Variants in CDH4 observed in about 807,000 individuals in gnomAD.
CDH4 encodes the protein cadherin 4, also known as cadherin-4.
In CDH4, 33 loss-of-function variants were observed where a neutral mutation model predicts 86.0. The ratio of observed to expected loss-of-function variants is 0.38; its 90% CI spans 0.29 to 0.51. The LOEUF (loss-of-function observed/expected upper bound fraction) is 0.51, where lower values mean the gene tolerates loss of function less well. Ranked by LOEUF, CDH4 falls within the 20% of genes least tolerant of loss-of-function variation. CDH4 has a pLI of 0.86. For missense variants in CDH4, 1,114 were observed against 1,307.4 expected, an observed-to-expected ratio of 0.85 and a Z score of 2.28; for synonymous variants, 555 against 549.4, an observed-to-expected ratio of 1.01 and a Z score of -0.14.
chr20:61,661,077 G>T (rs2087248999), intron 2 of CDH4, among the ~76,000 whole-genome samples: 1 of 96,466 alleles, frequency 1.0e-5, no homozygotes, highest in Non-Finnish European at 2.0e-5. Flanking sequence ...ATGGACAGGA[G>T]GCATGGCGGG....
rs1357724117 is a variant in CDH4, at chr20:61,565,145, G to GA, written c.170-178418_170-178417insA. On this transcript the variant is annotated intron_variant, in intron 2 of 15. Transcript: ENST00000614565. The stretch of plus-strand genomic sequence containing the variant: ...TCTTGGTGGTGCTGGTCCTCTTGGT[G>GA]TTGGTAGTGGTCCTCTTGGTGATGG... Among the ~76,000 whole-genome samples the GA allele has an allele frequency of 1.9e-4, 26 of 140,254 alleles. 1 individual carries two copies. The highest frequency in any genetic ancestry group is 2.7e-4 in the Non-Finnish European group (17 of 64,008). 92.0% of individuals were successfully genotyped at this position (140,254 alleles called of 152,430 possible). A position where few individuals can be genotyped will look rare whatever the true frequency, so the allele number is the denominator to read the frequency against.
intron 2 of CDH4, among the ~76,000 whole-genome samples, chr20:61,585,496 C>T (rs986065794): frequency 2.2e-4 from 33 of 152,250 alleles, no homozygotes; most frequent in Admixed American, 3.9e-4. Context: ...TCTTAATTTT[C>T]AGTCTCCATA....
At chr20:61,369,450 CAAAAAAAAAAAA>C (rs144885482) in intron 2 of CDH4, among the ~76,000 whole-genome samples, 4 of 56,620 alleles carry the variant, frequency 7.1e-5, no homozygotes, top group South Asian at 9.8e-4. Flanking sequence ...GACTCTGTCT[CAAAAAAAAAAAA>C]AAAAAAAAAA....
chr20:61,270,202 G>A (rs372092112), intron 2 of CDH4, among the ~76,000 whole-genome samples: 13 of 152,310 alleles, frequency 8.5e-5, no homozygotes, highest in African/African-American at 2.2e-4. Flanking sequence ...ACCGGCTATC[G>A]TTATTTATTA....
intron 2 of CDH4, among the ~76,000 whole-genome samples, chr20:61,321,481 T>C (rs2084508137): frequency 2.0e-5 from 3 of 151,950 alleles, no homozygotes; most frequent in East Asian, 3.9e-4. Context: ...ACATTTCACA[T>C]TGTGTGTGTG....
At chr20:61,884,056 G>C (rs1480223882) in intron 7 of CDH4, among the ~76,000 whole-genome samples, 1 of 152,194 alleles carries the variant, frequency 6.6e-6, no homozygotes, top group Non-Finnish European at 1.5e-5. Context: ...GGGACTCGCT[G>C]CCTGGAACTG....
intron 2 of CDH4, among the ~76,000 whole-genome samples, chr20:61,499,059 G>A (rs368687625): frequency 1.3e-5 from 2 of 152,166 alleles, no homozygotes; most frequent in Admixed American, 6.5e-5. Flanking sequence ...GCTGCATGGC[G>A]GGGGCAGGTT....
chr20:61,657,983 T>C (rs551999954), intron 2 of CDH4, among the ~76,000 whole-genome samples: 6 of 152,160 alleles, frequency 3.9e-5, no homozygotes, highest in African/African-American at 1.4e-4. Flanking sequence ...TTATGACCCT[T>C]TACTGGAGGG....
intron 2 of CDH4, among the ~76,000 whole-genome samples, chr20:61,711,599 C>T (rs1296114934): frequency 6.6e-6 from 1 of 152,244 alleles, no homozygotes; most frequent in African/African-American, 2.4e-5. Context: ...CCACCCAGAT[C>T]ATCTGGGATA....
At chr20:61,316,933 C>T (rs759463316) in intron 2 of CDH4, among the ~76,000 whole-genome samples, 35 of 152,014 alleles carry the variant, frequency 2.3e-4, no homozygotes, top group South Asian at 1.5e-3. Flanking sequence ...CGTGCAGCCT[C>T]TGTACCTGAA....
intron 4 of CDH4, among the ~76,000 whole-genome samples, chr20:61,795,700 G>A (rs1480078529): frequency 2.6e-5 from 4 of 152,186 alleles, no homozygotes; most frequent in Admixed American, 6.5e-5. Flanking sequence ...GAACATACCA[G>A]AGGCGGGGCC....
rs201802319 is a variant in CDH4, at chr20:61,383,776, CAT to C, written c.169+128846_169+128847del. Among the ~76,000 whole-genome samples, 103 of 74,312 alleles carry C rather than the reference CAT, an allele frequency of 1.4e-3. 1 individual carries two copies. Among genetic ancestry groups the C allele is most frequent in the Middle Eastern group, 0.01 (1 of 98 alleles). 48.8% of individuals were successfully genotyped at this position (74,312 alleles called of 152,430 possible). ...ATGCATATATATGAAGATATATATG[CAT>C]ATATATGAAGATATATATGCATATA... On this transcript the variant is annotated intron_variant, in intron 2 of 15. Coordinates refer to ENST00000614565, the MANE Select transcript of CDH4 (RefSeq NM_001794.5).
At chr20:61,652,198 G>A (rs2087128513) in intron 2 of CDH4, among the ~76,000 whole-genome samples, 1 of 152,132 alleles carries the variant, frequency 6.6e-6, no homozygotes, top group Admixed American at 6.5e-5. Context: ...TGAAAATACT[G>A]GAAAGAAAAT....
chr20:61,600,922 G>A (rs2086595666), intron 2 of CDH4, among the ~76,000 whole-genome samples: 1 of 152,142 alleles, frequency 6.6e-6, no homozygotes, highest in Admixed American at 6.5e-5. Flanking sequence ...ATGACCCTGT[G>A]GACTTGTTTC....
chr20:61,343,597 C>T (rs1716540585), intron 2 of CDH4, among the ~76,000 whole-genome samples: 1 of 152,178 alleles, frequency 6.6e-6, no homozygotes, highest in Non-Finnish European at 1.5e-5. Flanking sequence ...CGGCAGTCAG[C>T]ATAGGCAAGT....
intron 2 of CDH4, among the ~76,000 whole-genome samples, chr20:61,405,489 GACGCGCTGTC>G (rs1211225781): frequency 2.6e-4 from 39 of 152,066 alleles, no homozygotes; most frequent in Non-Finnish European, 5.0e-4. Context: ...GTGGTACAAC[GACGCGCTGTC>G]ACCGCAGCCC....
chr20:61,923,171 C>T lies in CDH4; in HGVS notation c.1375-280C>T, dbSNP rs543237361. Among the ~76,000 whole-genome samples the T allele has an allele frequency of 9.1e-4, 139 of 152,340 alleles. 1 individual carries two copies. Among genetic ancestry groups the T allele is most frequent in the Non-Finnish European group, 1.8e-3 (123 of 68,020 alleles). On this transcript the variant is annotated intron_variant, in intron 9 of 15. Coordinates refer to ENST00000614565, the MANE Select transcript of CDH4 (RefSeq NM_001794.5). ...CGCCCAGCGGGGGCTGCAGCCCCCCCAGGAGGAGCCCAGCTTCTGCCTCAG... is the reference window on the plus strand; with the variant it reads ...CGCCCAGCGGGGGCTGCAGCCCCCCTAGGAGGAGCCCAGCTTCTGCCTCAG...
intron 2 of CDH4, among the ~76,000 whole-genome samples, chr20:61,356,975 C>T (rs920557271): frequency 3.3e-5 from 5 of 152,198 alleles, no homozygotes; most frequent in Admixed American, 6.5e-5. Context: ...TGCTAAGAGA[C>T]GAGGGAATCT....
At chr20:61,801,871 A>C (rs1472952012) in intron 4 of CDH4, among the ~76,000 whole-genome samples, 1 of 152,222 alleles carries the variant, frequency 6.6e-6, no homozygotes, top group East Asian at 1.9e-4. Flanking sequence ...GATGGGCCTC[A>C]TCTCAAGATC....
Sources: gnomAD v4.1 joint callset for allele counts (sites outside exome capture counted in the v4.1 genomes callset) on GRCh38, gnomAD v4.1.1 for gene constraint, MANE v1.5 for transcripts, NCBI Gene and HGNC (gene_info 2026-07-23, HGNC 2026-07-21) for gene names.